ANK2: variants seen among roughly 807,000 people sequenced by gnomAD.
The protein encoded by ANK2 is ankyrin 2.
A neutral mutation model predicts 360.5 loss-of-function variants in ANK2; 83 were observed. The ratio of observed to expected loss-of-function variants is 0.23; its 90% CI spans 0.19 to 0.28. ANK2 has a LOEUF of 0.28. Among genes scored for constraint, ANK2 ranks in the 10% least tolerant of loss-of-function variants. ANK2 has a pLI of 1.00. For missense variants in ANK2, 4,201 were observed against 4,795.7 expected (o/e 0.88, Z 3.66); for synonymous variants, 1,740 against 1,759.5 (o/e 0.99, Z 0.28).
chr4:112,924,286 T>G (rs1283180479), intron 2 of ANK2, among the ~76,000 whole-genome samples: 1 of 151,312 alleles, frequency 6.6e-6, no homozygotes, highest in Non-Finnish European at 1.5e-5. Flanking sequence ...GAGAATTGCT[T>G]GAACCCGGGA....
intron 2 of ANK2, among the ~76,000 whole-genome samples, chr4:112,926,666 G>A (rs566131059): frequency 4.6e-5 from 7 of 152,236 alleles, no homozygotes; most frequent in Non-Finnish European, 8.8e-5. Context: ...AACTGATAAG[G>A]CAAATGAATC....
At chr4:112,950,024 T>C (rs987395787) in intron 2 of ANK2, among the ~76,000 whole-genome samples, 2 of 152,158 alleles carry the variant, frequency 1.3e-5, no homozygotes, top group Non-Finnish European at 2.9e-5. Context: ...GTCTTGCAAA[T>C]AATTCACTTT....
At chr4:113,092,541 G>C (rs1371563161) in intron 1 of ANK2, among the ~76,000 whole-genome samples, 2 of 152,158 alleles carry the variant, frequency 1.3e-5, no homozygotes, top group African/African-American at 2.4e-5. Context: ...GGGTTAGATA[G>C]ATTGGATTCT....
At chr4:112,756,852 A>C in the ANK2 span, among the ~76,000 whole-genome samples, 4 of 152,002 alleles carry the variant, frequency 2.6e-5, no homozygotes, top group Non-Finnish European at 4.4e-5. Flanking sequence ...GGGCATCTGT[A>C]ATCCCAGCTA....
At chr4:112,923,367 C>T (rs1490810415) in intron 2 of ANK2, among the ~76,000 whole-genome samples, 1 of 151,330 alleles carries the variant, frequency 6.6e-6, no homozygotes, top group Non-Finnish European at 1.5e-5. Flanking sequence ...AATCTGCTAA[C>T]TAAAATGTTA....
intron 2 of ANK2, among the ~76,000 whole-genome samples, chr4:113,192,623 G>A (rs543971882): frequency 2.0e-5 from 3 of 152,216 alleles, no homozygotes; most frequent in East Asian, 1.9e-4. Flanking sequence ...CTTATAAGTG[G>A]TAGTGATCTT....
At chr4:113,202,869 G>A (rs2098853606) in intron 4 of ANK2, among the ~76,000 whole-genome samples, 1 of 152,164 alleles carries the variant, frequency 6.6e-6, no homozygotes, top group Non-Finnish European at 1.5e-5. Flanking sequence ...TAGTGTAATT[G>A]ATTTAGTAAC....
the ANK2 span, among the ~76,000 whole-genome samples, chr4:112,783,450 G>A: frequency 6.6e-6 from 1 of 151,950 alleles, no homozygotes; most frequent in Admixed American, 6.6e-5. Context: ...AATTCTCCAG[G>A]TAACAACTCT....
chr4:113,283,763 G>C (rs1000195319), intron 18 of ANK2, among the ~76,000 whole-genome samples: 1 of 152,240 alleles, frequency 6.6e-6, no homozygotes, highest in African/African-American at 2.4e-5. Flanking sequence ...TTGATGTCTT[G>C]ATGCTTTTTG....
At chr4:113,139,241 A>G (rs1562342929) in intron 1 of ANK2, among the ~76,000 whole-genome samples, 1 of 152,204 alleles carries the variant, frequency 6.6e-6, no homozygotes, top group Non-Finnish European at 1.5e-5. Flanking sequence ...GTGGGCACCA[A>G]ACTTTGCCCA....
At chr4:112,915,756 A>G (rs1461217258) in intron 2 of ANK2, among the ~76,000 whole-genome samples, 1 of 149,418 alleles carries the variant, frequency 6.7e-6, no homozygotes. Context: ...CTCTGTTTCA[A>G]AAAAAAAATA....
At chr4:113,034,215 T>C (rs187961441) in intron 2 of ANK2, among the ~76,000 whole-genome samples, 73 of 152,040 alleles carry the variant, frequency 4.8e-4, no homozygotes, top group African/African-American at 1.6e-3. Context: ...TCAAGATAAG[T>C]TTTTACTGGA....
chr4:112,796,655 CTTTT>C, the ANK2 span, among the ~76,000 whole-genome samples: 1 of 135,668 alleles, frequency 7.4e-6, no homozygotes, highest in African/African-American at 2.7e-5. Flanking sequence ...TGGCCACCTT[CTTTT>C]TTTTTTTTTT....
chr4:113,161,838 GA>G (rs1025511046), intron 1 of ANK2, among the ~76,000 whole-genome samples: 9 of 152,196 alleles, frequency 5.9e-5, no homozygotes, highest in Admixed American at 5.9e-4. Context: ...GGCATTACAA[GA>G]GGCCCTTCCT....
rs2095919894 is a variant in ANK2, at chr4:113,358,113, A to C, written c.9495A>C (p.Ser3165=). The C allele has an allele frequency of 3.1e-6, 5 of 1,613,984 alleles. No individual in the cohort carries two copies. The highest frequency in any genetic ancestry group is 4.2e-6 in the Non-Finnish European group (5 of 1,179,972). Residue 3165 remains serine (S), a synonymous_variant, in exon 38 of 46, where the codon TCA becomes TCC. Coordinates refer to ENST00000357077, the MANE Select transcript of ANK2 (RefSeq NM_001148.6). ...DPLPLETSAE[S]LALSESKETV... ...TACCGCTGGAGACATCAGCTGAATC[A>C]CTAGCACTTTCAGAATCAAAAGAAA...
At chr4:112,995,768 A>G (rs564110598) in intron 2 of ANK2, among the ~76,000 whole-genome samples, 2 of 152,226 alleles carry the variant, frequency 1.3e-5, no homozygotes, top group South Asian at 2.1e-4. Context: ...CATTTTGTGT[A>G]TGGTGATAGG....
rs2095974374 is a variant in ANK2 at position 113,358,569 on chromosome 4, A to G, written c.9951A>G (p.Pro3317=). 8.1e-6 allele frequency: 13 copies of G among 1,614,040 alleles called. No homozygotes were observed. Among genetic ancestry groups the G allele is most frequent in the Non-Finnish European group, 1.0e-5 (12 of 1,179,946 alleles). ...RTMPTSTPAP[P]SAEYESSVSE... ...TGCCCACTTCCACCCCAGCACCTCC[A>G]TCTGCAGAGTATGAGAGTTCAGTTT... is the stretch of plus-strand genomic sequence containing the variant. Residue 3317 remains proline, a synonymous_variant, in exon 38 of 46, where the codon CCA becomes CCG. Transcript: ENST00000357077.
intron 1 of ANK2, among the ~76,000 whole-genome samples, chr4:113,076,788 C>A: frequency 7.3e-6 from 1 of 137,000 alleles, no homozygotes; most frequent in Admixed American, 7.6e-5. Context: ...AGAGTAAGAC[C>A]CTGTCTCAAA....
chr4:112,739,005 A>C, the ANK2 span: 4 of 648,360 alleles, frequency 6.2e-6, no homozygotes, highest in Non-Finnish European at 8.4e-6. Context: ...GAGGTCGCTC[A>C]CAAAAACCAA....
Sources: gnomAD v4.1 joint callset for allele counts (sites outside exome capture counted in the v4.1 genomes callset) on GRCh38, gnomAD v4.1.1 for gene constraint, MANE v1.5 for transcripts, NCBI Gene and HGNC (gene_info 2026-07-23, HGNC 2026-07-21) for gene names.